Variants in RFX4 observed in about 807,000 individuals in gnomAD.
The protein encoded by RFX4 is transcription factor RFX4.
Under a neutral mutation model 95.0 loss-of-function variants are expected in RFX4, and 10 were observed. The ratio of observed to expected loss-of-function variants is 0.11; its 90% CI spans 0.06 to 0.18. The LOEUF is 0.18. Among genes scored for constraint, RFX4 ranks in the 10% least tolerant of loss-of-function variants. The pLI is 1.00. For missense variants in RFX4, 640 were observed against 922.0 expected, an observed-to-expected ratio of 0.69 and a Z score of 3.96; for synonymous variants, 321 against 340.7, an observed-to-expected ratio of 0.94 and a Z score of 0.64.
At chr12:106,680,175 AT>A (rs2041478658) in intron 4 of RFX4, among the ~76,000 whole-genome samples, 1 of 152,216 alleles carries the variant, frequency 6.6e-6, no homozygotes, top group South Asian at 2.1e-4. Flanking sequence ...TTCTCTAAAC[AT>A]TCTTGTGAGG....
At chr12:106,730,705 TAA>T (rs2042592955) in intron 13 of RFX4, among the ~76,000 whole-genome samples, 1 of 152,186 alleles carries the variant, frequency 6.6e-6, no homozygotes, top group Admixed American at 6.5e-5. Context: ...GAGAGTCCCG[TAA>T]AGTCTCTAAA....
chr12:106,744,613 T>A (rs2042859897), intron 15 of RFX4, among the ~76,000 whole-genome samples: 1 of 152,204 alleles, frequency 6.6e-6, no homozygotes, highest in African/African-American at 2.4e-5. Context: ...TTACTCCTGT[T>A]TTAAAGATGA....
chr12:106,761,093 T>C, intron 17 of RFX4, 104 bp from the exon 18 acceptor site: 1 of 1,226,126 alleles, frequency 8.2e-7, no homozygotes, highest in South Asian at 1.4e-5. Context: ...CTCTCATTAA[T>C]AGCATCTTAA....
intron 1 of RFX4, among the ~76,000 whole-genome samples, chr12:106,584,653 C>A (rs990589514): frequency 2.0e-5 from 3 of 152,196 alleles, no homozygotes; most frequent in Non-Finnish European, 4.4e-5. Flanking sequence ...GGGGCATTGC[C>A]CCAGAAGGTC....
At chr12:106,724,465 T>C (rs1342616953) in intron 13 of RFX4, among the ~76,000 whole-genome samples, 1 of 152,194 alleles carries the variant, frequency 6.6e-6, no homozygotes, top group Non-Finnish European at 1.5e-5. Flanking sequence ...TAATCCACAT[T>C]GATGGTATTA....
chr12:106,653,380 C>T lies in RFX4; in HGVS notation c.192-848C>T, dbSNP rs147886485. On this transcript the variant is annotated intron_variant, in intron 3 of 17. Transcript: ENST00000392842. Reference sequence around the variant, plus strand: ...ACGTCTTCTCAGTGCTTCCCATGCACGTGCCAGGCACCATGCGGATGCTTG... The same window carrying T: ...ACGTCTTCTCAGTGCTTCCCATGCATGTGCCAGGCACCATGCGGATGCTTG... Among the ~76,000 whole-genome samples, 201 of 152,322 alleles carry T rather than the reference C, an allele frequency of 1.3e-3. 2 individuals are homozygous for T. Among genetic ancestry groups the T allele is most frequent in the Middle Eastern group, 6.8e-3 (2 of 294 alleles).
In RFX4 at chr12:106,700,408, T is replaced by TC. The variant is rs567318873; in HGVS notation, c.833+3962_833+3963insC. On this transcript the variant is annotated intron_variant, in intron 8 of 17. Transcript: ENST00000392842. Reference sequence around the variant, plus strand: ...AGTTTGTATATCTTCTTTTTCTTTTTTTTTTTTTTTTTTTTTGAGACGGAG... The same window carrying TC: ...AGTTTGTATATCTTCTTTTTCTTTTTCTTTTTTTTTTTTTTTTGAGACGGAG... Among the ~76,000 whole-genome samples the TC allele has an allele frequency of 7.2e-3, 1,028 of 142,940 alleles. 2 individuals are homozygous for TC. Among genetic ancestry groups the TC allele is most frequent in the South Asian group, 0.011 (46 of 4,312 alleles). 93.8% of individuals were successfully genotyped at this position (142,940 alleles called of 152,430 possible).
intron 2 of RFX4, among the ~76,000 whole-genome samples, chr12:106,621,806 C>A (rs992696989): frequency 6.7e-6 from 1 of 148,852 alleles, no homozygotes; most frequent in Non-Finnish European, 1.5e-5. Flanking sequence ...AAAGATCTTT[C>A]GGGAAAGATC....
chr12:106,616,843 C>T (rs1371225030), intron 2 of RFX4, among the ~76,000 whole-genome samples: 4 of 152,260 alleles, frequency 2.6e-5, no homozygotes, highest in East Asian at 3.9e-4. Flanking sequence ...TCACTTTAAC[C>T]TCTGCCTGCC....
intron 3 of RFX4, among the ~76,000 whole-genome samples, chr12:106,650,104 CA>C (rs1461797187): frequency 6.6e-6 from 1 of 152,174 alleles, no homozygotes; most frequent in Non-Finnish European, 1.5e-5. Flanking sequence ...GCAAACTTTC[CA>C]AAGAATGCAT....
chr12:106,592,668 G>A (rs919831776), intron 1 of RFX4, among the ~76,000 whole-genome samples: 4 of 144,164 alleles, frequency 2.8e-5, no homozygotes, highest in African/African-American at 1.0e-4. Context: ...AGGCATCACT[G>A]TTTTAAGGAT....
intron 4 of RFX4, among the ~76,000 whole-genome samples, chr12:106,674,141 C>T (rs1452417626): frequency 6.6e-6 from 1 of 152,222 alleles, no homozygotes. Context: ...TGGGCCTCCT[C>T]ATTCTTCCTG....
At chr12:106,641,708 G>T (rs770492185) in intron 3 of RFX4, among the ~76,000 whole-genome samples, 2 of 151,880 alleles carry the variant, frequency 1.3e-5, no homozygotes, top group South Asian at 2.1e-4. Context: ...GTACATATTC[G>T]CCTATTCTTA....
chr12:106,742,773 T>G (rs1359194605), intron 15 of RFX4, among the ~76,000 whole-genome samples: 1 of 152,190 alleles, frequency 6.6e-6, no homozygotes, highest in East Asian at 1.9e-4. Context: ...AGCAAGTCAT[T>G]TAACCTCTTG....
intron 16 of RFX4, among the ~76,000 whole-genome samples, chr12:106,750,138 T>C (rs2042971735): frequency 6.6e-6 from 1 of 151,776 alleles, no homozygotes; most frequent in African/African-American, 2.4e-5. Context: ...AACCTGGGGT[T>C]TTAAGTTAAC....
At chr12:106,654,867 T>A (rs1198663501) in intron 4 of RFX4, among the ~76,000 whole-genome samples, 2 of 152,218 alleles carry the variant, frequency 1.3e-5, no homozygotes, top group Non-Finnish European at 2.9e-5. Context: ...TTAGCAGTGA[T>A]CATTCCCATT....
chr12:106,727,840 C>T (rs186152916), intron 13 of RFX4, among the ~76,000 whole-genome samples: 88 of 152,212 alleles, frequency 5.8e-4, no homozygotes, highest in Admixed American at 1.1e-3. Flanking sequence ...AGCCTTGTCT[C>T]GAACTCCTGA....
At chr12:106,748,993 G>A (rs963094180) in intron 16 of RFX4, among the ~76,000 whole-genome samples, 5 of 151,866 alleles carry the variant, frequency 3.3e-5, no homozygotes, top group African/African-American at 9.7e-5. Context: ...GCTGCGGCAG[G>A]AGAATTGCTT....
intron 2 of RFX4, among the ~76,000 whole-genome samples, chr12:106,619,180 G>A (rs1454253814): frequency 1.3e-5 from 2 of 151,880 alleles, no homozygotes; most frequent in African/African-American, 4.8e-5. Flanking sequence ...CCCTTTCCAG[G>A]GTTCTTTCTC....
Sources: gnomAD v4.1 joint callset for allele counts (sites outside exome capture counted in the v4.1 genomes callset) on GRCh38, gnomAD v4.1.1 for gene constraint, MANE v1.5 for transcripts, NCBI Gene and HGNC (gene_info 2026-07-23, HGNC 2026-07-21) for gene names.